The following MECOM variants were observed in gnomAD, a reference collection of about 807,000 sequenced individuals.
The protein encoded by MECOM is MDS1 and EVI1 complex locus.
Under a neutral mutation model 116.3 loss-of-function variants are expected in MECOM, and 13 were observed. The observed-to-expected ratio is 0.11, with a 90% confidence interval of 0.07 to 0.18. The LOEUF (loss-of-function observed/expected upper bound fraction) is 0.18, where lower values mean the gene tolerates loss of function less well. MECOM is among the 10% of genes least tolerant of loss of function. The probability of loss-of-function intolerance (pLI) is 1.00; values close to 1 mark genes in which losing one functional copy is unlikely to be tolerated. For missense variants in MECOM, 1,299 were observed against 1,509.0 expected, an observed-to-expected ratio of 0.86 and a Z score of 2.31; for synonymous variants, 528 against 535.2, an observed-to-expected ratio of 0.99 and a Z score of 0.19.
At chr3:169,490,127 G>A (rs954192280) in intron 1 of MECOM, among the ~76,000 whole-genome samples, 3 of 152,274 alleles carry the variant, frequency 2.0e-5, no homozygotes, top group African/African-American at 4.8e-5. Context: ...AAGAGAGAAA[G>A]TCAAATGAGA....
intron 2 of MECOM, among the ~76,000 whole-genome samples, chr3:169,204,975 C>T (rs1362153912): frequency 6.6e-6 from 1 of 152,118 alleles, no homozygotes; most frequent in Non-Finnish European, 1.5e-5. Context: ...TCTGCAAAAC[C>T]AAGGCTCAAC....
intron 1 of MECOM, among the ~76,000 whole-genome samples, chr3:169,585,566 AACCAGGTATTATT>A (rs1765684314): frequency 6.6e-6 from 1 of 152,180 alleles, no homozygotes; most frequent in African/African-American, 2.4e-5. Context: ...CAGGGCCAAG[AACCAGGTATTATT>A]ACCAGGTCTA....
intron 1 of MECOM, among the ~76,000 whole-genome samples, chr3:169,485,370 A>G (rs1479705273): frequency 1.3e-5 from 2 of 152,212 alleles, no homozygotes; most frequent in Admixed American, 1.3e-4. Flanking sequence ...TTAGTGTTAT[A>G]TTAACCAATC....
intron 1 of MECOM, among the ~76,000 whole-genome samples, chr3:169,425,028 G>T (rs940227467): frequency 6.6e-6 from 1 of 151,676 alleles, no homozygotes; most frequent in African/African-American, 2.4e-5. Flanking sequence ...AATAAGAAAA[G>T]CCAGACCCAG....
Position 169,381,540 on chromosome 3 carries a change from A to C in MECOM, c.38-16T>G, listed in dbSNP as rs766859782. The C allele has an allele frequency of 6.5e-7, 1 of 1,532,672 alleles. No homozygotes were observed. Among genetic ancestry groups the C allele is most frequent in the South Asian group, 1.3e-5 (1 of 78,972 alleles). 94.9% of individuals were successfully genotyped at this position (1,532,672 alleles called of 1,614,324 possible). Reference sequence around the variant, plus strand: ...CACTCATTATCTGTGAATAAATAAGAACTTCATGAATTCCTTCTGATATTG... The same window carrying C: ...CACTCATTATCTGTGAATAAATAAGCACTTCATGAATTCCTTCTGATATTG... On this transcript the variant is annotated splice_polypyrimidine_tract_variant and intron_variant, in intron 1 of 16. Transcript: ENST00000651503.
intron 1 of MECOM, among the ~76,000 whole-genome samples, chr3:169,652,283 T>A (rs1055347032): frequency 3.3e-5 from 5 of 152,212 alleles, no homozygotes; most frequent in African/African-American, 9.7e-5. Context: ...AAGATAGCTA[T>A]TCCATCCCTC....
intron 2 of MECOM, among the ~76,000 whole-genome samples, chr3:169,247,635 C>T (rs1454665739): frequency 6.6e-6 from 1 of 152,188 alleles, no homozygotes; most frequent in Non-Finnish European, 1.5e-5. Flanking sequence ...TTAATAAAGC[C>T]TTTTAATGCA....
intron 2 of MECOM, among the ~76,000 whole-genome samples, chr3:169,291,365 T>C (rs1714520987): frequency 6.6e-6 from 1 of 152,156 alleles, no homozygotes; most frequent in African/African-American, 2.4e-5. Context: ...TGACATATTA[T>C]AGAAGAGTAT....
At chr3:169,378,128 C>T (rs1463680547) in intron 2 of MECOM, among the ~76,000 whole-genome samples, 1 of 151,074 alleles carries the variant, frequency 6.6e-6, no homozygotes, top group Non-Finnish European at 1.5e-5. Flanking sequence ...ACAATGAGAA[C>T]ACATGGACAG....
intron 1 of MECOM, chr3:169,613,775 C>T (rs1313278004): frequency 6.6e-6 from 1 of 152,220 alleles, no homozygotes; most frequent in African/African-American, 2.4e-5. Context: ...TAGCTCTATT[C>T]ATTCCACATT....
In MECOM at chr3:169,432,399, C is replaced by T. The variant is rs376405809; in HGVS notation, c.38-50875G>A. 2.0e-5 allele frequency among the ~76,000 whole-genome samples: 3 copies of T among 152,274 alleles called. No homozygotes were observed. In the East Asian group the frequency reaches 5.8e-4, roughly 29 times the overall value. On this transcript the variant is annotated intron_variant, in intron 1 of 16. Transcript: ENST00000651503. ...TCTCGAACTCCTGACCCCAGATGATCCACTGGCCTCAGCCTCTCAAAGTGC... is the reference window on the plus strand; with the variant it reads ...TCTCGAACTCCTGACCCCAGATGATTCACTGGCCTCAGCCTCTCAAAGTGC...
intron 1 of MECOM, among the ~76,000 whole-genome samples, chr3:169,406,911 G>A (rs899148048): frequency 2.7e-5 from 4 of 150,140 alleles, no homozygotes; most frequent in East Asian, 2.0e-4. Flanking sequence ...ATGCAATCTC[G>A]GTTCACTGCA....
intron 2 of MECOM, among the ~76,000 whole-genome samples, chr3:169,315,574 A>G (rs940032188): frequency 2.6e-5 from 4 of 152,216 alleles, no homozygotes; most frequent in Non-Finnish European, 4.4e-5. Context: ...GTCTTTGGAC[A>G]GCATTTTCTG....
chr3:169,215,257 T>TA (rs33958386), intron 2 of MECOM, among the ~76,000 whole-genome samples: 16,297 of 147,666 alleles, frequency 0.11, 1,027 homozygotes, highest in Non-Finnish European at 0.14. Context: ...TTTTTTTTTT[T>TA]AAAAAAGCAG....
At chr3:169,351,168 C>T (rs1330232543) in intron 2 of MECOM, among the ~76,000 whole-genome samples, 1 of 151,666 alleles carries the variant, frequency 6.6e-6, no homozygotes, top group Non-Finnish European at 1.5e-5. Context: ...TATAAATTAT[C>T]TTTTGTTTCT....
intron 3 of MECOM, among the ~76,000 whole-genome samples, chr3:169,134,291 T>C (rs897127731): frequency 3.3e-5 from 5 of 152,208 alleles, no homozygotes; most frequent in East Asian, 3.8e-4. Flanking sequence ...AGATCACTAC[T>C]GTAATTTCCC....
chr3:169,407,522 CTG>C (rs1472335459), intron 1 of MECOM, among the ~76,000 whole-genome samples: 3 of 152,134 alleles, frequency 2.0e-5, no homozygotes, highest in African/African-American at 7.2e-5. Context: ...TAAGTGGGAC[CTG>C]TAAGGAAAGT....
At chr3:169,617,039 T>A (rs1055650709) in intron 1 of MECOM, among the ~76,000 whole-genome samples, 1 of 152,210 alleles carries the variant, frequency 6.6e-6, no homozygotes, top group Non-Finnish European at 1.5e-5. Context: ...TAGGGTTATA[T>A]CTCTATTTTC....
At chr3:169,644,223 A>G (rs1375822856) in intron 1 of MECOM, among the ~76,000 whole-genome samples, 2 of 150,738 alleles carry the variant, frequency 1.3e-5, no homozygotes, top group African/African-American at 2.5e-5. Flanking sequence ...CTCGCATTTT[A>G]TTTTATTTAT....
Sources: allele counts gnomAD v4.1 joint callset (sites outside exome capture counted in the v4.1 genomes callset), GRCh38; gene constraint gnomAD v4.1.1; transcripts MANE v1.5; gene names NCBI Gene and HGNC (gene_info 2026-07-23, HGNC 2026-07-21).